HIPK3: variants seen among roughly 807,000 people sequenced by gnomAD.
HIPK3 encodes the protein homeodomain interacting protein kinase 3.
Under a neutral mutation model 124.2 loss-of-function variants are expected in HIPK3, and 47 were observed. The ratio of observed to expected loss-of-function variants is 0.38; its 90% CI spans 0.30 to 0.48. The LOEUF is 0.48. Among genes scored for constraint, HIPK3 ranks in the 20% least tolerant of loss-of-function variants. The pLI, the probability that HIPK3 is intolerant of heterozygous loss-of-function variation, is 0.98. For synonymous variants in HIPK3, 482 were observed against 515.2 expected, an observed-to-expected ratio of 0.94 and a Z score of 0.87; for missense variants, 1,286 against 1,454.3, an observed-to-expected ratio of 0.88 and a Z score of 1.88.
chr11:33,327,467 A>G (rs1016638217), intron 2 of HIPK3, among the ~76,000 whole-genome samples: 1 of 152,206 alleles, frequency 6.6e-6, no homozygotes, highest in African/African-American at 2.4e-5. Context: ...GATGCAATGC[A>G]TGATCCTGAG....
Position 33,328,545 on chromosome 11 carries a change from A to G in HIPK3, c.1133A>G (p.Glu378Gly). Residue 378 changes from glutamate to glycine, a missense_variant, in exon 3 of 17, where the codon GAA becomes GGA. Physicochemically the swap from Glu to Gly is moderately conservative, Grantham distance 98. Coordinates refer to ENST00000303296, the MANE Select transcript of HIPK3 (RefSeq NM_005734.5). ...PEIILGLPFC[E>G]AIDMWSLGCV... ...ATTATATTGGGGTTGCCATTTTGTG[A>G]AGCCATAGACATGTGGTCATTGGGA... is the stretch of plus-strand genomic sequence containing the variant. 6.2e-7 allele frequency: 1 copy of G among 1,613,560 alleles called. No homozygotes were observed. Among genetic ancestry groups the G allele is most frequent in the Non-Finnish European group, 8.5e-7 (1 of 1,179,574 alleles).
At chr11:33,323,227 A>T (rs573826807) in intron 2 of HIPK3, among the ~76,000 whole-genome samples, 11 of 152,188 alleles carry the variant, frequency 7.2e-5, no homozygotes, top group Non-Finnish European at 5.9e-5. Flanking sequence ...ACTACGTATT[A>T]TGGGATTCCA....
intron 1 of HIPK3, among the ~76,000 whole-genome samples, chr11:33,263,265 G>T (rs1850872247): frequency 6.6e-6 from 1 of 152,186 alleles, no homozygotes; most frequent in South Asian, 2.1e-4. Context: ...CTGGACAGTA[G>T]AAGGGAGAAG....
In HIPK3 at chr11:33,273,512, C is replaced by CAAAAAAAAAAAAAAAAAAAAAAAAAAAA. The variant is rs398015727; in HGVS notation, c.-2-12875_-2-12874insAAAAAAAAAAAAAAAAAAAAAAAAAAAA. On this transcript the variant is annotated intron_variant, in intron 1 of 16. Coordinates refer to ENST00000303296, the MANE Select transcript of HIPK3 (RefSeq NM_005734.5). The stretch of plus-strand genomic sequence containing the variant: ...GCGACAGAGTGAGACTCTGTCTCCA[C>CAAAAAAAAAAAAAAAAAAAAAAAAAAAA]AAAAAAAAAAAAAAAAAAAAAAAAA... 4.2e-5 allele frequency among the ~76,000 whole-genome samples: 2 copies of CAAAAAAAAAAAAAAAAAAAAAAAAAAAA among 48,042 alleles called. 1 individual carries two copies. The highest frequency in any genetic ancestry group is 6.7e-5 in the Non-Finnish European group (2 of 29,862). The allele number at this position is 48,042 out of a possible 152,430, so 31.5% of individuals were successfully genotyped here.
At chr11:33,265,915 C>T (rs1157003390) in intron 1 of HIPK3, among the ~76,000 whole-genome samples, 1 of 150,960 alleles carries the variant, frequency 6.6e-6, no homozygotes, top group East Asian at 1.9e-4. Context: ...GAAACCCAGA[C>T]TCTACTAAAA....
chr11:33,321,040 A>T (rs1480338712), intron 2 of HIPK3, among the ~76,000 whole-genome samples: 2 of 152,228 alleles, frequency 1.3e-5, no homozygotes, highest in African/African-American at 4.8e-5. Flanking sequence ...GAGCCTTCAG[A>T]TACCCCAAAG....
intron 2 of HIPK3, among the ~76,000 whole-genome samples, chr11:33,306,438 A>G (rs1404989801): frequency 6.6e-6 from 1 of 151,494 alleles, no homozygotes; most frequent in Non-Finnish European, 1.5e-5. Context: ...GTTTAAATTT[A>G]TTAAAGATTT....
chr11:33,308,742 C>CTTTT (rs35729613), intron 2 of HIPK3, among the ~76,000 whole-genome samples: 3 of 139,722 alleles, frequency 2.1e-5, no homozygotes, highest in Admixed American at 7.1e-5. Flanking sequence ...TTTCTTTTAA[C>CTTTT]TTTTTTTTTT....
intron 7 of HIPK3, 21 bp from the exon 8 acceptor site, chr11:33,341,542 A>G (rs748312247): frequency 3.8e-6 from 6 of 1,599,804 alleles, no homozygotes; most frequent in East Asian, 4.5e-5. Context: ...ACTGCTCTAT[A>G]TAATGTGCTC....
chr11:33,286,564 T>C lies in HIPK3; in HGVS notation c.150T>C (p.Phe50=), dbSNP rs759285677. 1.2e-6 allele frequency: 2 copies of C among 1,614,168 alleles called. No individual in the cohort carries two copies. The highest frequency in any genetic ancestry group is 8.5e-7 in the Non-Finnish European group (1 of 1,180,030). The change falls in exon 2 of 17, where the codon TTT becomes TTC. Residue 50 remains phenylalanine, a synonymous_variant. Transcript: ENST00000303296. ...GGACCTATGTGAATGGTAGAAACTTTGGAAATTCTCATCCTCCCACTAAGG... is the reference window on the plus strand; with the variant it reads ...GGACCTATGTGAATGGTAGAAACTTCGGAAATTCTCATCCTCCCACTAAGG... ...YPRTYVNGRN[F]GNSHPPTKGS... is the part of the protein sequence containing the mutation.
At chr11:33,336,941 C>A (rs757852493) in intron 3 of HIPK3, 134 bp from the exon 4 acceptor site, 2 of 560,460 alleles carry the variant, frequency 3.6e-6, no homozygotes, top group Non-Finnish European at 6.2e-6. Context: ...TATATGTTCT[C>A]CACTAGACAG....
chr11:33,332,629 A>T (rs1161665514), intron 3 of HIPK3, among the ~76,000 whole-genome samples: 1 of 152,204 alleles, frequency 6.6e-6, no homozygotes, highest in African/African-American at 2.4e-5. Context: ...GGTAATTTCA[A>T]GTCTTATGTA....
At chr11:33,352,416 T>G (rs1234717033) in intron 16 of HIPK3, 151 bp downstream of exon 16, 2 of 774,344 alleles carry the variant, frequency 2.6e-6, no homozygotes, top group Non-Finnish European at 4.2e-6. Flanking sequence ...ACTGGCTTAA[T>G]AATAGGATAA....
intron 2 of HIPK3, among the ~76,000 whole-genome samples, chr11:33,326,779 C>T (rs984442359): frequency 2.0e-5 from 3 of 151,888 alleles, no homozygotes; most frequent in Non-Finnish European, 2.9e-5. Flanking sequence ...TCAAGTGACC[C>T]TTCCACCTCA....
intron 2 of HIPK3, among the ~76,000 whole-genome samples, chr11:33,310,598 C>T (rs951392200): frequency 7.2e-5 from 11 of 152,046 alleles, no homozygotes; most frequent in African/African-American, 1.9e-4. Context: ...CATGAGCCAC[C>T]GTGCCCAGCC....
chr11:33,282,444 G>A (rs781537719), intron 1 of HIPK3, among the ~76,000 whole-genome samples: 8 of 152,118 alleles, frequency 5.3e-5, no homozygotes, highest in Non-Finnish European at 1.0e-4. Flanking sequence ...CACTTTGGGA[G>A]GCCAAGGTGG....
At chr11:33,303,296 C>A (rs1458693088) in intron 2 of HIPK3, among the ~76,000 whole-genome samples, 1 of 152,096 alleles carries the variant, frequency 6.6e-6, no homozygotes, top group African/African-American at 2.4e-5. Flanking sequence ...AGTTATTATA[C>A]TGTATTGTTT....
At chr11:33,297,650 A>G (rs936708594) in intron 2 of HIPK3, among the ~76,000 whole-genome samples, 12 of 152,320 alleles carry the variant, frequency 7.9e-5, no homozygotes, top group African/African-American at 2.9e-4. Context: ...ATCATTGGTA[A>G]AGGTGGCTAC....
chr11:33,297,091 A>ATTTTT (rs34751907), intron 2 of HIPK3, among the ~76,000 whole-genome samples: 1 of 136,480 alleles, frequency 7.3e-6, no homozygotes, highest in African/African-American at 2.7e-5. Flanking sequence ...TATGGAAAAG[A>ATTTTT]TTTTTTTTTT....
Sources: gnomAD v4.1 joint callset for allele counts (sites outside exome capture counted in the v4.1 genomes callset) on GRCh38, gnomAD v4.1.1 for gene constraint, MANE v1.5 for transcripts, NCBI Gene and HGNC (gene_info 2026-07-23, HGNC 2026-07-21) for gene names.